CFAP221: variants seen among roughly 807,000 people sequenced by gnomAD.
The protein encoded by CFAP221 is cilia and flagella associated protein 221.
Under a neutral mutation model 113.1 loss-of-function variants are expected in CFAP221, and 97 were observed. The observed-to-expected ratio is 0.86, with a 90% CI of 0.73 to 1.02. CFAP221 has a LOEUF of 1.02. CFAP221 is among the 50% of genes least tolerant of loss of function. CFAP221 has a pLI of 0.00. For missense variants in CFAP221, 1,025 were observed against 1,013.4 expected (o/e 1.01, Z -0.16); for synonymous variants, 331 against 354.4 (o/e 0.93, Z 0.74).
At chr2:119,630,091 T>C in intron 17 of CFAP221, 136 bp downstream of exon 17, 3 of 757,738 alleles carry the variant, frequency 4.0e-6, no homozygotes, top group Non-Finnish European at 6.3e-6. Context: ...TGTTTTTGGA[T>C]GGCATATGGG....
At chr2:119,565,380 C>A (rs1051959043) in intron 6 of CFAP221, among the ~76,000 whole-genome samples, 18 of 152,152 alleles carry the variant, frequency 1.2e-4, no homozygotes, top group African/African-American at 4.1e-4. Context: ...TTCATTAATT[C>A]TTTTTTATTT....
intron 6 of CFAP221, among the ~76,000 whole-genome samples, chr2:119,573,912 T>C (rs1455832127): frequency 6.6e-6 from 1 of 152,180 alleles, no homozygotes; most frequent in African/African-American, 2.4e-5. Context: ...TAAAAGGGCC[T>C]ACATATTTCT....
At chr2:119,571,186 G>A (rs183491589) in intron 6 of CFAP221, among the ~76,000 whole-genome samples, 28 of 142,662 alleles carry the variant, frequency 2.0e-4, no homozygotes, top group Admixed American at 1.6e-3. Context: ...TGTCACCCAG[G>A]CTAGAGTGCA....
At chr2:119,555,780 G>C (rs1558908212) in intron 3 of CFAP221, among the ~76,000 whole-genome samples, 1 of 152,164 alleles carries the variant, frequency 6.6e-6, no homozygotes, top group East Asian at 1.9e-4. Context: ...AGGTCACTGT[G>C]TCTTCATGAA....
chr2:119,588,341 T>A (rs12328609), intron 7 of CFAP221, among the ~76,000 whole-genome samples: 3 of 152,244 alleles, frequency 2.0e-5, no homozygotes, highest in Middle Eastern at 6.8e-3. Flanking sequence ...GAATTCGTAG[T>A]GTTGGAATGA....
chr2:119,563,627 G>A (rs1681416878), intron 6 of CFAP221, among the ~76,000 whole-genome samples: 1 of 152,158 alleles, frequency 6.6e-6, no homozygotes, highest in Admixed American at 6.5e-5. Context: ...TGCAGGACCT[G>A]GTTCCAGCTT....
rs529728621 is a variant in CFAP221, at chr2:119,653,349, C to A, written c.2414+1280C>A. ...TGAGCCAAGATCGCGCCATTGCACT[C>A]CAGCTGGGTGACAAGAGCAAAACTC... On this transcript the variant is annotated intron_variant, in intron 23 of 23. Transcript: ENST00000413369. Among the ~76,000 whole-genome samples, 325 of 152,064 alleles carry A rather than the reference C, an allele frequency of 2.1e-3. 1 individual carries two copies. The highest frequency in any genetic ancestry group is 3.9e-3 in the Non-Finnish European group (268 of 67,988).
downstream of CFAP221, among the ~76,000 whole-genome samples, chr2:119,657,265 G>A (rs866265055): frequency 8.5e-5 from 13 of 152,134 alleles, no homozygotes; most frequent in South Asian, 8.3e-4. Context: ...CTGTATGTTT[G>A]TAGTCTTCAT....
intron 7 of CFAP221, among the ~76,000 whole-genome samples, chr2:119,593,246 G>T: frequency 6.6e-6 from 1 of 152,290 alleles, no homozygotes; most frequent in Middle Eastern, 3.4e-3. Flanking sequence ...GTATTTGCAT[G>T]AGTGTGGTGT....
intron 11 of CFAP221, 90 bp from the exon 12 acceptor site, chr2:119,608,412 C>A: frequency 1.0e-6 from 1 of 990,252 alleles, no homozygotes. Flanking sequence ...GGTTCCTTTT[C>A]AGTTTTGGAA....
chr2:119,563,806 A>G (rs554623140), intron 6 of CFAP221, among the ~76,000 whole-genome samples: 1 of 152,212 alleles, frequency 6.6e-6, no homozygotes, highest in African/African-American at 2.4e-5. Context: ...GTTGCTAAGA[A>G]CAACTCATAC....
chr2:119,554,185 C>G (rs961509495), intron 3 of CFAP221, among the ~76,000 whole-genome samples: 1 of 152,178 alleles, frequency 6.6e-6, no homozygotes, highest in African/African-American at 2.4e-5. Context: ...TTTGCTACAG[C>G]AAACTATGCA....
chr2:119,629,029 T>C (rs961144356), intron 16 of CFAP221, among the ~76,000 whole-genome samples: 9 of 152,210 alleles, frequency 5.9e-5, no homozygotes, highest in African/African-American at 2.2e-4. Flanking sequence ...AGCATTCCTG[T>C]CTATAAAAAA....
At chr2:119,647,367 T>A (rs1335460785) in intron 22 of CFAP221, among the ~76,000 whole-genome samples, 1 of 152,176 alleles carries the variant, frequency 6.6e-6, no homozygotes, top group African/African-American at 2.4e-5. Context: ...GAAAGATAGG[T>A]AGGACTTGGA....
Position 119,605,124 on chromosome 2 carries a change from T to G in CFAP221, c.1025-57T>G, listed in dbSNP as rs1684646874. 2.6e-6 allele frequency: 4 copies of G among 1,523,242 alleles called. No individual in the cohort carries two copies. In the South Asian group the frequency reaches 4.5e-5, roughly 17 times the overall value. The allele number at this position is 1,523,242 out of a possible 1,614,324, so 94.4% of individuals were successfully genotyped here. A position where few individuals can be genotyped will look rare whatever the true frequency, so the allele number is the denominator to read the frequency against. On this transcript the variant is annotated intron_variant, in intron 10 of 23. Coordinates refer to ENST00000413369, the MANE Select transcript of CFAP221 (RefSeq NM_001271049.2). The stretch of plus-strand genomic sequence containing the variant: ...TCGCCATTAGAAATGTGTTTTTCTC[T>G]CCGCACATGATTTTAATCTGATTAC...
At chr2:119,612,293 G>A (rs1685231198) in intron 13 of CFAP221, among the ~76,000 whole-genome samples, 1 of 152,134 alleles carries the variant, frequency 6.6e-6, no homozygotes, top group African/African-American at 2.4e-5. Flanking sequence ...CCCAAGGCTT[G>A]GTAATTTATA....
At chr2:119,605,913 A>C (rs1480687932) in intron 11 of CFAP221, among the ~76,000 whole-genome samples, 1 of 152,322 alleles carries the variant, frequency 6.6e-6, no homozygotes, top group African/African-American at 2.4e-5. Context: ...AAAAAAGTGC[A>C]TATAAATGTT....
intron 15 of CFAP221, 128 bp from the exon 16 acceptor site, chr2:119,627,525 A>G: frequency 2.1e-5 from 1 of 47,960 alleles, no homozygotes. Context: ...GTGGATATAT[A>G]TATATATATA....
intron 19 of CFAP221, 117 bp downstream of exon 19, chr2:119,631,018 A>G: frequency 6.8e-7 from 1 of 1,474,674 alleles, no homozygotes; most frequent in Non-Finnish European, 9.0e-7. Flanking sequence ...CAAGTGTTAA[A>G]CAATATCTGA....
Sources: gnomAD v4.1 joint callset for allele counts (sites outside exome capture counted in the v4.1 genomes callset) on GRCh38, gnomAD v4.1.1 for gene constraint, MANE v1.5 for transcripts, NCBI Gene and HGNC (gene_info 2026-07-23, HGNC 2026-07-21) for gene names.